The following RSRC1 variants were observed in gnomAD, a reference collection of about 807,000 sequenced individuals.
The protein encoded by RSRC1 is arginine and serine rich coiled-coil 1.
Under a neutral mutation model 49.1 loss-of-function variants are expected in RSRC1, and 39 were observed. That is an observed-to-expected ratio of 0.79 (90% CI 0.61 to 1.04). The LOEUF is 1.04. RSRC1 is among the 50% of genes least tolerant of loss of function. The pLI, the probability that RSRC1 is intolerant of heterozygous loss-of-function variation, is 0.00. For missense variants in RSRC1, 388 were observed against 402.4 expected (o/e 0.96, Z 0.31); for synonymous variants, 143 against 130.8 (o/e 1.09, Z -0.63).
intron 5 of RSRC1, among the ~76,000 whole-genome samples, chr3:158,307,045 G>A (rs1480176364): frequency 6.6e-6 from 1 of 151,574 alleles, no homozygotes; most frequent in Non-Finnish European, 1.5e-5. Flanking sequence ...TGGCCAAGTG[G>A]AGTGAGTGGT....
intron 7 of RSRC1, among the ~76,000 whole-genome samples, chr3:158,474,701 T>C (rs774915628): frequency 2.6e-5 from 4 of 152,208 alleles, no homozygotes; most frequent in Non-Finnish European, 5.9e-5. Flanking sequence ...CAGGAAATTG[T>C]AGCCATTCAG....
At chr3:158,458,374 C>T (rs1447464349) in intron 6 of RSRC1, among the ~76,000 whole-genome samples, 1 of 151,744 alleles carries the variant, frequency 6.6e-6, no homozygotes, top group Non-Finnish European at 1.5e-5. Context: ...ACAGTTTTTG[C>T]TATTTTAATG....
chr3:158,530,913 TAAAAA>T (rs200580489), intron 7 of RSRC1, among the ~76,000 whole-genome samples: 1 of 95,628 alleles, frequency 1.0e-5, no homozygotes, highest in Admixed American at 1.1e-4. Context: ...AAATAATAAA[TAAAAA>T]AAAAAAGAAA....
intron 6 of RSRC1, among the ~76,000 whole-genome samples, chr3:158,385,799 C>G (rs1455312967): frequency 6.6e-6 from 1 of 152,016 alleles, no homozygotes; most frequent in Non-Finnish European, 1.5e-5. Context: ...TCACGAACAC[C>G]TGATATCTTT....
In RSRC1 at chr3:158,537,182, G is replaced by A; in HGVS notation, c.743G>A (p.Ser248Asn). ...DSFVQQTFRSSKEVKKSVEPS... is the reference protein window; with the variant it reads ...DSFVQQTFRSNKEVKKSVEPS... ...TTTGTTCAGCAGACATTCAGATCAA[G>A]TAAAGAAGTCAAAAAGGTAAGTTTT... The change falls in exon 8 of 10, where the codon AGT becomes AAT. Residue 248 changes from serine (S) to asparagine (N), a missense_variant. Physicochemically the swap from Ser to Asn is conservative, Grantham distance 46. Transcript: ENST00000611884. 1.3e-6 allele frequency: 2 copies of A among 1,584,394 alleles called. No homozygotes were observed. The highest frequency in any genetic ancestry group is 1.9e-5 in the Admixed American group (1 of 54,040).
intron 6 of RSRC1, among the ~76,000 whole-genome samples, chr3:158,403,991 C>T (rs1367651586): frequency 6.6e-6 from 1 of 151,734 alleles, no homozygotes; most frequent in African/African-American, 2.4e-5. Flanking sequence ...ATTTATATTT[C>T]TTTAAAATGT....
At chr3:158,297,531 T>A (rs1333768170) in intron 4 of RSRC1, among the ~76,000 whole-genome samples, 2 of 152,018 alleles carry the variant, frequency 1.3e-5, no homozygotes, top group African/African-American at 4.8e-5. Flanking sequence ...AAGATTTAGT[T>A]ATTTAGCTGT....
intron 3 of RSRC1, among the ~76,000 whole-genome samples, chr3:158,161,272 A>G (rs939241193): frequency 1.3e-5 from 2 of 152,244 alleles, no homozygotes; most frequent in South Asian, 4.1e-4. Context: ...TGTTGAGATC[A>G]GCTCTGTTCC....
At chr3:158,146,307 A>G (rs1193167946) in intron 3 of RSRC1, among the ~76,000 whole-genome samples, 1 of 152,178 alleles carries the variant, frequency 6.6e-6, no homozygotes, top group African/African-American at 2.4e-5. Context: ...CGTCCCATCA[A>G]TATCTAATTT....
chr3:158,529,214 G>GTGTATATATATATATATA (rs374368016), intron 7 of RSRC1, among the ~76,000 whole-genome samples: 3 of 143,126 alleles, frequency 2.1e-5, no homozygotes, highest in African/African-American at 7.9e-5. Flanking sequence ...ATGTGTGTGT[G>GTGTATATATATATATATA]TATATATATA....
chr3:158,316,194 TA>T (rs1426840410), intron 5 of RSRC1, among the ~76,000 whole-genome samples: 1 of 150,278 alleles, frequency 6.7e-6, no homozygotes, highest in Non-Finnish European at 1.5e-5. Context: ...AAGCTGATAA[TA>T]AAAAGAAAGT....
chr3:158,417,843 A>T (rs955807250), intron 6 of RSRC1, among the ~76,000 whole-genome samples: 8 of 149,040 alleles, frequency 5.4e-5, no homozygotes, highest in African/African-American at 1.0e-4. Context: ...GTGACTTATT[A>T]AAAAAAATCA....
chr3:158,147,961 A>G (rs1329957204), intron 3 of RSRC1, among the ~76,000 whole-genome samples: 1 of 152,230 alleles, frequency 6.6e-6, no homozygotes, highest in Non-Finnish European at 1.5e-5. Flanking sequence ...GTTGTGTCCA[A>G]TAACTATAAA....
chr3:158,518,816 G>C (rs1711509765), intron 7 of RSRC1, among the ~76,000 whole-genome samples: 1 of 151,924 alleles, frequency 6.6e-6, no homozygotes, highest in South Asian at 2.1e-4. Flanking sequence ...TACTGAATCT[G>C]GTTTTTCTAC....
intron 4 of RSRC1, among the ~76,000 whole-genome samples, chr3:158,293,876 A>T (rs1247765011): frequency 6.6e-6 from 1 of 151,986 alleles, no homozygotes; most frequent in East Asian, 1.9e-4. Flanking sequence ...TCTTCACTTT[A>T]GTGTCGGGAA....
chr3:158,282,372 A>T (rs1232534345), intron 4 of RSRC1, among the ~76,000 whole-genome samples: 1 of 152,136 alleles, frequency 6.6e-6, no homozygotes, highest in African/African-American at 2.4e-5. Flanking sequence ...TTCTGAGAGG[A>T]TGCTGTGAAG....
At chr3:158,328,849 TTC>T (rs917193386) in intron 5 of RSRC1, among the ~76,000 whole-genome samples, 1 of 152,228 alleles carries the variant, frequency 6.6e-6, no homozygotes, top group African/African-American at 2.4e-5. Context: ...CTTGGTTCCA[TTC>T]TCCCCATCAC....
intron 6 of RSRC1, among the ~76,000 whole-genome samples, chr3:158,404,714 T>G (rs1442053464): frequency 1.3e-5 from 2 of 151,978 alleles, no homozygotes; most frequent in African/African-American, 4.8e-5. Flanking sequence ...TGAAGTTATG[T>G]TGAAAGAAAA....
chr3:158,470,361 C>CATATATATATATATATAT (rs59508977), intron 7 of RSRC1, among the ~76,000 whole-genome samples: 2 of 100,310 alleles, frequency 2.0e-5, no homozygotes, highest in African/African-American at 6.6e-5. Context: ...CACACACACA[C>CATATATATATATATATAT]ATATATATAT....
Sources: allele counts gnomAD v4.1 joint callset (sites outside exome capture counted in the v4.1 genomes callset), GRCh38; gene constraint gnomAD v4.1.1; transcripts MANE v1.5; gene names NCBI Gene and HGNC (gene_info 2026-07-23, HGNC 2026-07-21).